The following ADAM12 variants were observed in gnomAD, a reference collection of about 807,000 sequenced individuals.
ADAM12 encodes the protein ADAM metallopeptidase domain 12.
In ADAM12, 70 loss-of-function variants were observed where a neutral mutation model predicts 106.4. The observed-to-expected ratio is 0.66, with a 90% CI of 0.54 to 0.80. The LOEUF (loss-of-function observed/expected upper bound fraction) is 0.80. Ranked by LOEUF, ADAM12 falls within the 30% of genes least tolerant of loss-of-function variation. The pLI is 0.00. For synonymous variants in ADAM12, 420 were observed against 433.5 expected, an observed-to-expected ratio of 0.97 and a Z score of 0.39; for missense variants, 1,010 against 1,171.9, an observed-to-expected ratio of 0.86 and a Z score of 2.02.
chr10:126,262,247 A>T (rs1206550584), intron 3 of ADAM12, among the ~76,000 whole-genome samples: 1 of 152,212 alleles, frequency 6.6e-6, no homozygotes, highest in Admixed American at 6.5e-5. Flanking sequence ...TTACAAATAC[A>T]TTCTGAGAAA....
intron 2 of ADAM12, among the ~76,000 whole-genome samples, chr10:126,320,004 T>C (rs1201171332): frequency 6.6e-6 from 1 of 152,154 alleles, no homozygotes; most frequent in Non-Finnish European, 1.5e-5. Flanking sequence ...GTGCCCACCA[T>C]GCATTCTCAA....
chr10:126,378,321 CCTA>C lies in ADAM12; in HGVS notation c.88+9734_88+9736del, dbSNP rs1474044541. On this transcript the variant is annotated intron_variant, in intron 1 of 22. Coordinates refer to ENST00000448723, the MANE Select transcript of ADAM12 (RefSeq NM_001288973.2). ...AGGTTCCCTAGAGCTTACACCCATACCTAAGATAGCAAGGATCCTCTCACCATT... is the reference window on the plus strand; with the variant it reads ...AGGTTCCCTAGAGCTTACACCCATACAGATAGCAAGGATCCTCTCACCATT... 2.6e-5 allele frequency among the ~76,000 whole-genome samples: 4 copies of C among 152,206 alleles called. No individual in the cohort carries two copies. The East Asian group carries it at 7.7e-4, about 29-fold the overall frequency.
chr10:126,298,827 G>T (rs566636207), intron 2 of ADAM12, among the ~76,000 whole-genome samples: 1 of 152,046 alleles, frequency 6.6e-6, no homozygotes, highest in African/African-American at 2.4e-5. Context: ...GAAGACAAAA[G>T]AATATACTAT....
chr10:126,330,246 A>G (rs752709838), intron 2 of ADAM12, among the ~76,000 whole-genome samples, 166 bp downstream of exon 2: 1 of 152,206 alleles, frequency 6.6e-6, no homozygotes, highest in Non-Finnish European at 1.5e-5. Flanking sequence ...TGTCACATCA[A>G]AATTGGTTTG....
chr10:126,049,744 A>C lies in ADAM12; in HGVS notation c.1610-75T>G. On this transcript the variant is annotated intron_variant, in intron 14 of 22. Coordinates refer to ENST00000448723, the MANE Select transcript of ADAM12 (RefSeq NM_001288973.2). This position sits in a 1 kb window ranked among gnomAD's most constrained non-coding sequence, Gnocchi z 4.4. ...TTTTTCATGGCTGTAGGCCTCTCAAATGGTTACGGGGAGACGTGCTCAAAG... is the reference window on the plus strand; with the variant it reads ...TTTTTCATGGCTGTAGGCCTCTCAACTGGTTACGGGGAGACGTGCTCAAAG... 1 of 1,308,772 alleles carries C rather than the reference A, an allele frequency of 7.6e-7. No individual in the cohort carries two copies. Among genetic ancestry groups the C allele is most frequent in the Non-Finnish European group, 1.1e-6 (1 of 927,010 alleles). 81.1% of individuals were successfully genotyped at this position (1,308,772 alleles called of 1,614,324 possible).
intron 16 of ADAM12, among the ~76,000 whole-genome samples, chr10:126,048,210 T>A (rs1470051068): frequency 6.6e-6 from 1 of 152,062 alleles, no homozygotes; most frequent in Non-Finnish European, 1.5e-5. Flanking sequence ...AGTATCTGAG[T>A]GACAAAATAA....
chr10:126,294,175 T>A (rs1296361439), intron 2 of ADAM12, among the ~76,000 whole-genome samples: 1 of 152,218 alleles, frequency 6.6e-6, no homozygotes, highest in East Asian at 1.9e-4. Context: ...GTACGGGCTG[T>A]CCACCCTGAG....
intron 3 of ADAM12, among the ~76,000 whole-genome samples, chr10:126,223,449 A>C (rs560587972): frequency 4.8e-4 from 73 of 152,348 alleles, no homozygotes; most frequent in African/African-American, 1.8e-3. Flanking sequence ...TAACACACAC[A>C]ATAAAATGAA....
chr10:126,260,899 C>T (rs1472880828), intron 3 of ADAM12, among the ~76,000 whole-genome samples: 5 of 152,088 alleles, frequency 3.3e-5, no homozygotes, highest in African/African-American at 4.8e-5. Context: ...ATTGGCCCTC[C>T]GCATCCTGGG....
chr10:126,322,563 G>A (rs1012920678), intron 2 of ADAM12, among the ~76,000 whole-genome samples: 1 of 152,182 alleles, frequency 6.6e-6, no homozygotes, highest in African/African-American at 2.4e-5. Context: ...CACAGCAAAG[G>A]CTTATCCAGC....
At chr10:126,088,460 G>A (rs1955399029) in intron 11 of ADAM12, among the ~76,000 whole-genome samples, 1 of 151,966 alleles carries the variant, frequency 6.6e-6, no homozygotes, top group South Asian at 2.1e-4. Context: ...TAGCACTACG[G>A]GAGGCTGAGG....
Position 126,125,641 on chromosome 10 carries a change from G to C in ADAM12, c.417-7417C>G, listed in dbSNP as rs539553269. ...GGAAAATAAAGATGAGAGTCCCCAG[G>C]TCACTGCAGGGGGTTGAATAGTGTC... On this transcript the variant is annotated intron_variant, in intron 5 of 22. Transcript: ENST00000448723. Among the ~76,000 whole-genome samples the C allele has an allele frequency of 9.2e-5, 14 of 151,974 alleles. No individual in the cohort carries two copies. The East Asian group carries it at 2.7e-3, about 30-fold the overall frequency.
chr10:126,217,076 T>G (rs1958000780), intron 3 of ADAM12, among the ~76,000 whole-genome samples: 1 of 152,236 alleles, frequency 6.6e-6, no homozygotes, highest in Non-Finnish European at 1.5e-5. Flanking sequence ...GGTACATTAA[T>G]AAAACAATGT....
At chr10:126,058,905 G>A (rs1042795302) in intron 14 of ADAM12, among the ~76,000 whole-genome samples, 55 of 152,166 alleles carry the variant, frequency 3.6e-4, no homozygotes, top group African/African-American at 1.3e-3. Flanking sequence ...GAAGACAAGC[G>A]ATTTCACATC....
intron 4 of ADAM12, among the ~76,000 whole-genome samples, chr10:126,143,775 G>C (rs1377413449): frequency 6.6e-6 from 1 of 151,980 alleles, no homozygotes; most frequent in Non-Finnish European, 1.5e-5. Context: ...GTGTTTCTGG[G>C]TGTGTGTATG....
intron 3 of ADAM12, among the ~76,000 whole-genome samples, chr10:126,245,043 G>C (rs927086405): frequency 2.0e-5 from 3 of 152,200 alleles, no homozygotes; most frequent in Non-Finnish European, 4.4e-5. Context: ...AAGATGGTAA[G>C]CAGGAGCAAA....
chr10:126,304,837 A>G (rs1210204466), intron 2 of ADAM12, among the ~76,000 whole-genome samples: 2 of 152,098 alleles, frequency 1.3e-5, no homozygotes, highest in East Asian at 1.9e-4. Context: ...CCATGTAAAC[A>G]TGGTCAATTT....
rs753817962 is a variant in ADAM12, at chr10:126,053,140, G to A, written c.1610-3471C>T. 3.9e-5 allele frequency among the ~76,000 whole-genome samples: 6 copies of A among 152,072 alleles called. No individual in the cohort carries two copies. Among genetic ancestry groups the A allele is most frequent in the East Asian group, 1.9e-4 (1 of 5,182 alleles). On this transcript the variant is annotated intron_variant, in intron 14 of 22. Coordinates refer to ENST00000448723, the MANE Select transcript of ADAM12 (RefSeq NM_001288973.2). The surrounding 1 kb of genome is among the most constrained non-coding windows in gnomAD (Gnocchi z 4.6). ...TCTCTCTCTTGCTCCTGCTCCGGCCGCGTGATGTGCCTGCTTCTCCTTCAC... is the reference window on the plus strand; with the variant it reads ...TCTCTCTCTTGCTCCTGCTCCGGCCACGTGATGTGCCTGCTTCTCCTTCAC...
At chr10:126,167,375 T>C (rs1485663029) in intron 3 of ADAM12, among the ~76,000 whole-genome samples, 2 of 152,232 alleles carry the variant, frequency 1.3e-5, no homozygotes, top group Non-Finnish European at 1.5e-5. Flanking sequence ...TTTCTGCCCA[T>C]ATTCCTTTAA....
Sources: gnomAD v4.1 joint callset for allele counts (sites outside exome capture counted in the v4.1 genomes callset) on GRCh38, gnomAD v4.1.1 for gene constraint, Gnocchi (gnomAD v3.1) non-coding constraint, MANE v1.5 for transcripts, NCBI Gene and HGNC (gene_info 2026-07-23, HGNC 2026-07-21) for gene names.